GNA13: variants seen among roughly 807,000 people sequenced by gnomAD.
GNA13 encodes G protein subunit alpha 13, also known as guanine nucleotide-binding protein subunit alpha-13.
A neutral mutation model predicts 33.5 loss-of-function variants in GNA13; 4 were observed. The observed-to-expected ratio is 0.12, with a 90% confidence interval of 0.06 to 0.27. The LOEUF (loss-of-function observed/expected upper bound fraction) is 0.27, where lower values mean the gene tolerates loss of function less well. Among genes scored for constraint, GNA13 ranks in the 10% least tolerant of loss-of-function variants. GNA13 has a pLI of 1.00. For missense variants in GNA13, 319 were observed against 487.2 expected (o/e 0.65, Z 3.25); for synonymous variants, 176 against 183.8 (o/e 0.96, Z 0.34).
At chr17:65,049,407 T>TC (rs1215265602) in intron 2 of GNA13, among the ~76,000 whole-genome samples, 1 of 152,136 alleles carries the variant, frequency 6.6e-6, no homozygotes, top group Admixed American at 6.6e-5. Context: ...AGGTATTTTA[T>TC]TTTTTTAGAA....
intron 2 of GNA13, among the ~76,000 whole-genome samples, chr17:65,034,809 G>A (rs986313216): frequency 6.6e-6 from 1 of 152,052 alleles, no homozygotes; most frequent in Admixed American, 6.5e-5. Flanking sequence ...TTTTGAGATG[G>A]AGTTTTGCTC....
At chr17:65,030,748 C>CAA (rs1906971780) in intron 2 of GNA13, among the ~76,000 whole-genome samples, 2 of 152,244 alleles carry the variant, frequency 1.3e-5, no homozygotes, top group South Asian at 4.1e-4. Context: ...CATGGCTGCT[C>CAA]ATGCTTGTAA....
At chr17:65,015,386 G>A (rs1237293358) in intron 3 of GNA13, among the ~76,000 whole-genome samples, 1 of 151,934 alleles carries the variant, frequency 6.6e-6, no homozygotes, top group Admixed American at 6.6e-5. Context: ...ATGGGGGCTG[G>A]GCGCGATGGC....
rs1292025516 is a variant in GNA13, at chr17:65,031,896, A to AAGAGAG, written c.511-13599_511-13594dup. Among the ~76,000 whole-genome samples, 510 of 71,264 alleles carry AAGAGAG rather than the reference A, an allele frequency of 7.2e-3. 7 individuals are homozygous for AAGAGAG. The highest frequency in any genetic ancestry group is 0.022 in the South Asian group (29 of 1,346). The allele number at this position is 71,264 out of a possible 152,430, so 46.8% of individuals were successfully genotyped here. ...AGAGAGAGAGAGAGAGAGAGAGAGA[A>AAGAGAG]AGAGAGAGAGAGAGAGAGAGAGAGA... On this transcript the variant is annotated intron_variant, in intron 2 of 3. Transcript: ENST00000439174.
chr17:65,031,513 C>G (rs1361601767), intron 2 of GNA13, among the ~76,000 whole-genome samples: 2 of 152,152 alleles, frequency 1.3e-5, no homozygotes, highest in Non-Finnish European at 2.9e-5. Context: ...GAAAAAGAAT[C>G]AAGTGATATC....
chr17:65,018,921 G>A (rs1488638551), intron 2 of GNA13, among the ~76,000 whole-genome samples: 1 of 152,130 alleles, frequency 6.6e-6, no homozygotes. Context: ...CATCTAAACT[G>A]TACGAGAATA....
chr17:65,009,723 C>T lies in GNA13; in HGVS notation c.*4534G>A, dbSNP rs1331566291. Among the ~76,000 whole-genome samples the T allele has an allele frequency of 2.0e-5, 3 of 152,130 alleles. No homozygotes were observed. The highest frequency in any genetic ancestry group is 1.9e-4 in the East Asian group (1 of 5,200). On this transcript the variant is annotated 3_prime_UTR_variant, in exon 4 of 4. Coordinates refer to ENST00000439174, the MANE Select transcript of GNA13 (RefSeq NM_006572.6). ...AGTAGTTTAGAAAAGCCATTTCAAACGTTTTGCGATTCTGCCTTCAAGTAA... is the reference window on the plus strand; with the variant it reads ...AGTAGTTTAGAAAAGCCATTTCAAATGTTTTGCGATTCTGCCTTCAAGTAA...
chr17:65,013,430 A>T lies in GNA13; in HGVS notation c.*827T>A, dbSNP rs1906259575. 4.7e-6 allele frequency: 1 copy of T among 211,698 alleles called. No individual in the cohort carries two copies. The highest frequency in any genetic ancestry group is 2.3e-5 in the African/African-American group (1 of 44,180). The allele number at this position is 211,698 out of a possible 1,614,324, so 13.1% of individuals were successfully genotyped here. On this transcript the variant is annotated 3_prime_UTR_variant, in exon 4 of 4. Coordinates refer to ENST00000439174, the MANE Select transcript of GNA13 (RefSeq NM_006572.6). ...TTAAGTTTATTTAGAAAGTTCTGTT[A>T]CCAAGTTGCTTGCAGTTTTTAGTTG...
chr17:65,009,304 A>G lies in GNA13; in HGVS notation c.*4953T>C, dbSNP rs1487364158. Among the ~76,000 whole-genome samples, 1 of 152,266 alleles carries G rather than the reference A, an allele frequency of 6.6e-6. No individual in the cohort carries two copies. Among genetic ancestry groups the G allele is most frequent in the African/African-American group, 2.4e-5 (1 of 41,474 alleles). On this transcript the variant is annotated 3_prime_UTR_variant, in exon 4 of 4. Coordinates refer to ENST00000439174, the MANE Select transcript of GNA13 (RefSeq NM_006572.6). Reference sequence around the variant, plus strand: ...CATCATAGTATTGAATTGTTTACAAATGTTTATTAAATGTCAGTAATTTTT... The same window carrying G: ...CATCATAGTATTGAATTGTTTACAAGTGTTTATTAAATGTCAGTAATTTTT...
At chr17:65,050,961 G>A (rs1257824968) in intron 2 of GNA13, among the ~76,000 whole-genome samples, 1 of 152,148 alleles carries the variant, frequency 6.6e-6, no homozygotes, top group African/African-American at 2.4e-5. Flanking sequence ...CTCATCCTGA[G>A]TGGTTTTACC....
At chr17:65,028,442 T>C (rs1378099915) in intron 2 of GNA13, among the ~76,000 whole-genome samples, 2 of 146,194 alleles carry the variant, frequency 1.4e-5, no homozygotes, top group African/African-American at 2.5e-5. Context: ...ACCTACCATA[T>C]AAGGAAGAAA....
intron 2 of GNA13, among the ~76,000 whole-genome samples, chr17:65,021,287 T>C (rs1906574668): frequency 6.6e-6 from 1 of 152,230 alleles, no homozygotes; most frequent in South Asian, 2.1e-4. Flanking sequence ...TAGAAGTCTA[T>C]GAGGTTCCAC....
intron 2 of GNA13, among the ~76,000 whole-genome samples, chr17:65,025,858 C>T (rs909869621): frequency 1.3e-5 from 2 of 151,236 alleles, no homozygotes; most frequent in African/African-American, 2.4e-5. Flanking sequence ...TGGTGGTGCA[C>T]GCCTGTGGTC....
chr17:65,037,155 G>A (rs1907277309), intron 2 of GNA13, among the ~76,000 whole-genome samples: 1 of 152,176 alleles, frequency 6.6e-6, no homozygotes. Flanking sequence ...GCCTGACCCA[G>A]CAGATTAACA....
At chr17:65,049,467 G>C (rs1907784177) in intron 2 of GNA13, among the ~76,000 whole-genome samples, 3 of 152,290 alleles carry the variant, frequency 2.0e-5, no homozygotes, top group East Asian at 1.9e-4. Context: ...AAAGTGTCAG[G>C]CACTATGCTA....
chr17:65,036,434 G>A (rs952501008), intron 2 of GNA13, among the ~76,000 whole-genome samples: 14 of 152,126 alleles, frequency 9.2e-5, no homozygotes, highest in African/African-American at 2.9e-4. Context: ...GGCCAGGCAC[G>A]GTGGCTCACG....
intron 2 of GNA13, chr17:65,053,277 A>T: frequency 1.9e-6 from 1 of 526,862 alleles, no homozygotes; most frequent in Non-Finnish European, 3.4e-6. Context: ...TTTCATATAT[A>T]CCTTAAGATA....
At chr17:65,051,870 AAAGAC>A (rs1907870562) in intron 2 of GNA13, 1 of 152,234 alleles carries the variant, frequency 6.6e-6, no homozygotes, top group Admixed American at 6.5e-5. Flanking sequence ...CATTACTTGA[AAAGAC>A]AAGATACAAA....
chr17:65,028,104 T>C (rs1906861448), intron 2 of GNA13, among the ~76,000 whole-genome samples: 1 of 152,148 alleles, frequency 6.6e-6, no homozygotes, highest in Non-Finnish European at 1.5e-5. Flanking sequence ...CGGGTGCCTG[T>C]AGTCCCAGCT....
Sources: gnomAD v4.1 joint callset for allele counts (sites outside exome capture counted in the v4.1 genomes callset) on GRCh38, gnomAD v4.1.1 for gene constraint, MANE v1.5 for transcripts, NCBI Gene and HGNC (gene_info 2026-07-23, HGNC 2026-07-21) for gene names.